SEPTIN12: variants seen among roughly 807,000 people sequenced by gnomAD.
SEPTIN12 encodes septin-12.
SEPTIN12 carries 42 observed loss-of-function variants against 37.7 expected under a neutral mutation model. The ratio of observed to expected loss-of-function variants is 1.11; its 90% CI spans 0.87 to 1.44. The LOEUF (loss-of-function observed/expected upper bound fraction) is 1.44. SEPTIN12 is among the 40% of genes most tolerant of loss of function. SEPTIN12 has a pLI of 0.00. For synonymous variants in SEPTIN12, 254 were observed against 196.7 expected (o/e 1.29, Z -2.44); for missense variants, 613 against 479.2 (o/e 1.28, Z -2.61).
At chr16:4,778,177 G>C (rs879177123) in intron 8 of SEPTIN12, 40 bp from the exon 9 acceptor site, 3 of 1,607,630 alleles carry the variant, frequency 1.9e-6, no homozygotes, top group South Asian at 2.2e-5. Context: ...TGCTTAGTGA[G>C]CACTGAGTAA....
chr16:4,783,571 A>C lies in SEPTIN12; in HGVS notation c.631-14T>G. 6.2e-7 allele frequency: 1 copy of C among 1,613,108 alleles called. No individual in the cohort carries two copies. The highest frequency in any genetic ancestry group is 1.1e-5 in the South Asian group (1 of 91,066). ...GTTCTGCTGGATCTGGAGATCCCAC[A>C]CAGGTGACCTCAGCCCACCCTGCCC... On this transcript the variant is annotated splice_polypyrimidine_tract_variant and intron_variant, in intron 6 of 9. Coordinates refer to ENST00000268231, the MANE Select transcript of SEPTIN12 (RefSeq NM_144605.5).
chr16:4,782,109 C>A (rs1214767569), intron 7 of SEPTIN12, among the ~76,000 whole-genome samples: 1 of 151,854 alleles, frequency 6.6e-6, no homozygotes, highest in East Asian at 1.9e-4. Context: ...TGCCACCACA[C>A]GCAGCTAATT....
chr16:4,783,712 C>A lies in SEPTIN12; in HGVS notation c.567G>T (p.Val189=), dbSNP rs537666592. The A allele has an allele frequency of 2.5e-6, 4 of 1,614,102 alleles. No homozygotes were observed. The highest frequency in any genetic ancestry group is 1.1e-5 in the South Asian group (1 of 91,088). ...FLQRLCRTVN[V]VPVIARADSL... is the part of the protein sequence containing the mutation. ...TGTCGGCCCTGGCAATCACGGGCAC[C>A]ACATTCACAGTCCGGCACAGCCGCT... Residue 189 remains valine, a synonymous_variant, in exon 6 of 10, where the codon GTG becomes GTT. Coordinates refer to ENST00000268231, the MANE Select transcript of SEPTIN12 (RefSeq NM_144605.5).
Position 4,778,106 on chromosome 16 carries a change from G to C in SEPTIN12, c.855C>G (p.Leu285=). ...CTCACCGGATAAGCAGGTCTCTCAG[G>C]AGAGGAAATTCACAGTGCGCCATGT... ...VENMAHCEFP[L]LRDLLIRSHL... The change falls in exon 9 of 10, where the codon CTC becomes CTG. Residue 285 remains leucine, a synonymous_variant. Coordinates refer to ENST00000268231, the MANE Select transcript of SEPTIN12 (RefSeq NM_144605.5). The C allele has an allele frequency of 2.5e-6, 4 of 1,614,216 alleles. No individual in the cohort carries two copies. The highest frequency in any genetic ancestry group is 3.4e-6 in the Non-Finnish European group (4 of 1,180,046).
At position 4,777,787 on chromosome 16, in the gene SEPTIN12, C is replaced by A. The variant is rs369066625; in HGVS notation, c.*10G>T. 7.3e-6 allele frequency: 11 copies of A among 1,503,776 alleles called. No homozygotes were observed. The highest frequency in any genetic ancestry group is 4.7e-5 in the East Asian group (2 of 42,178). The allele number at this position is 1,503,776 out of a possible 1,614,324, so 93.2% of individuals were successfully genotyped here. On this transcript the variant is annotated 3_prime_UTR_variant, in exon 10 of 10. Coordinates refer to ENST00000268231, the MANE Select transcript of SEPTIN12 (RefSeq NM_144605.5). ...TCAGGAAGCCCAGCAGCCCCGGGAT[C>A]CGCCGGTGGTCAGAACTCATCATCA...
upstream of SEPTIN12, among the ~76,000 whole-genome samples, chr16:4,789,592 C>T (rs1309582797): frequency 1.3e-5 from 2 of 152,188 alleles, no homozygotes; most frequent in South Asian, 2.1e-4. Flanking sequence ...TCCCAAAGTG[C>T]TGGGATTACA....
chr16:4,787,348 C>T, intron 2 of SEPTIN12, 132 bp downstream of exon 2: 1 of 830,566 alleles, frequency 1.2e-6, no homozygotes. Context: ...ATGACAACAT[C>T]CCTGTGAGGT....
In SEPTIN12 at chr16:4,777,899, G is replaced by A. The variant is rs371193041; in HGVS notation, c.975C>T (p.Pro325=). 1.4e-4 allele frequency: 231 copies of A among 1,599,840 alleles called. No homozygotes were observed. The highest frequency in any genetic ancestry group is 1.7e-4 in the Non-Finnish European group (203 of 1,173,872). Residue 325 remains proline, a synonymous_variant, in exon 10 of 10, where the codon CCC becomes CCT. Coordinates refer to ENST00000268231, the MANE Select transcript of SEPTIN12 (RefSeq NM_144605.5). ...LNESHLLPRG[P]GWVNLAPASP... ...AGGCCGGGGCCAGGTTCACCCAGCC[G>A]GGCCCGCGGGGCAGCAGGTGGCTTT...
chr16:4,783,789 G>T (rs1269234425), intron 5 of SEPTIN12, 23 bp from the exon 6 acceptor site: 1 of 1,609,304 alleles, frequency 6.2e-7, no homozygotes, highest in South Asian at 1.1e-5. Context: ...GGGCAGTGAT[G>T]GGGGTGGCGG....
intron 1 of SEPTIN12, 43 bp from the exon 2 acceptor site, chr16:4,787,710 G>C: frequency 1.2e-6 from 1 of 820,950 alleles, no homozygotes; most frequent in Non-Finnish European, 1.9e-6. Flanking sequence ...CTGGGGCTCA[G>C]AGGAGCCCAC....
chr16:4,778,658 G>A (rs12447751), intron 8 of SEPTIN12, among the ~76,000 whole-genome samples: 5,489 of 151,804 alleles, frequency 0.036, 182 homozygotes, highest in Admixed American at 0.11. Flanking sequence ...AAAATTAGCC[G>A]GGTGTGGTGG....
At chr16:4,791,770 C>T (rs985819479), upstream of SEPTIN12, among the ~76,000 whole-genome samples, 3 of 152,124 alleles carry the variant, frequency 2.0e-5, no homozygotes, top group South Asian at 6.2e-4. Flanking sequence ...TCCCTGCAAC[C>T]TCTGCCTCCC....
At chr16:4,787,774 T>A (rs2082483045) in intron 1 of SEPTIN12, 107 bp from the exon 2 acceptor site, 3 of 610,528 alleles carry the variant, frequency 4.9e-6, no homozygotes, top group Non-Finnish European at 5.8e-6. Context: ...GCCAACCCCC[T>A]CCACACTTCA....
intron 4 of SEPTIN12, among the ~76,000 whole-genome samples, chr16:4,784,825 C>T (rs1023825938): frequency 1.3e-5 from 2 of 150,816 alleles, no homozygotes; most frequent in Admixed American, 1.3e-4. Flanking sequence ...AAAATGAAAC[C>T]AGGGCCAGGT....
chr16:4,786,216 C>T, intron 2 of SEPTIN12, 111 bp from the exon 3 acceptor site: 9 of 1,360,966 alleles, frequency 6.6e-6, no homozygotes, highest in Non-Finnish European at 8.9e-6. Flanking sequence ...CTCTGTCACC[C>T]AGGCTGGAGT....
In SEPTIN12 at chr16:4,777,935, G is replaced by C. The variant is rs2082330528; in HGVS notation, c.939C>G (p.Ile313Met). The C allele has an allele frequency of 6.2e-7, 1 of 1,607,952 alleles. No individual in the cohort carries two copies. The highest frequency in any genetic ancestry group is 8.5e-7 in the Non-Finnish European group (1 of 1,177,584). The change falls in exon 10 of 10, where the codon ATC becomes ATG. Residue 313 changes from isoleucine (I) to methionine (M), a missense_variant. By Grantham distance (10) the Ile-to-Met change is conservative (BLOSUM62 1). Transcript: ENST00000268231. ...HNIHYENYRV[I>M]RLNESHLLPR... is the part of the protein sequence containing the mutation. ...GCAGCAGGTGGCTTTCATTGAGTCT[G>C]ATGACGCGGTAGTTCTCATAGTGGA... is the stretch of plus-strand genomic sequence containing the variant.
chr16:4,779,626 C>A (rs978838455), intron 8 of SEPTIN12, 64 bp downstream of exon 8: 14 of 1,015,238 alleles, frequency 1.4e-5, no homozygotes, highest in Non-Finnish European at 2.0e-5. Context: ...GCGAAGGTTG[C>A]CCAAGGCTGC....
At chr16:4,783,604 C>T in intron 6 of SEPTIN12, 45 bp downstream of exon 6, 9 of 1,611,358 alleles carry the variant, frequency 5.6e-6, no homozygotes, top group Non-Finnish European at 7.6e-6. Flanking sequence ...CCCACTCTGC[C>T]CTCTGCCCCC....
chr16:4,786,366 T>C (rs1042396247), intron 2 of SEPTIN12, among the ~76,000 whole-genome samples: 9 of 149,890 alleles, frequency 6.0e-5, no homozygotes, highest in African/African-American at 2.0e-4. Context: ...TTTTTTTTTT[T>C]TTTTTTGAGA....
Sources: gnomAD v4.1 joint callset for allele counts (sites outside exome capture counted in the v4.1 genomes callset) on GRCh38, gnomAD v4.1.1 for gene constraint, MANE v1.5 for transcripts, NCBI Gene and HGNC (gene_info 2026-07-23, HGNC 2026-07-21) for gene names.